Variants in FNDC9 observed in about 807,000 individuals in gnomAD.
The protein encoded by FNDC9 is fibronectin type III domain containing 9, also known as fibronectin type III domain-containing protein 9.
Under a neutral mutation model 9.0 loss-of-function variants are expected in FNDC9, and 3 were observed. The observed-to-expected ratio is 0.33, with a 90% CI of 0.15 to 0.86. The LOEUF (loss-of-function observed/expected upper bound fraction) is 0.86. Among genes scored for constraint, FNDC9 ranks in the 40% least tolerant of loss-of-function variants. FNDC9 has a pLI of 0.53. For synonymous variants in FNDC9, 114 were observed against 115.6 expected (o/e 0.99, Z 0.09); for missense variants, 279 against 287.2 (o/e 0.97, Z 0.21).
At position 157,342,649 on chromosome 5, in the gene FNDC9, C is replaced by A; in HGVS notation, c.*213G>T. 2 of 505,878 alleles carry A rather than the reference C, an allele frequency of 4.0e-6. No homozygotes were observed. Among genetic ancestry groups the A allele is most frequent in the South Asian group, 8.2e-5 (2 of 24,310 alleles). 31.3% of individuals were successfully genotyped at this position (505,878 alleles called of 1,614,324 possible). On this transcript the variant is annotated 3_prime_UTR_variant, in exon 2 of 2. Coordinates refer to ENST00000312349, the MANE Select transcript of FNDC9 (RefSeq NM_001001343.4). ...TGTGTCCTCCGAGTGGACGCTGCTG[C>A]TGAGATGCCTCGTTTGTGCCTTGGC...
rs1313640502 is a variant in FNDC9, at chr5:157,342,682, G to A, written c.*180C>T. The A allele has an allele frequency of 3.3e-6, 2 of 604,540 alleles. No individual in the cohort carries two copies. The highest frequency in any genetic ancestry group is 5.6e-6 in the Non-Finnish European group (2 of 357,638). 37.4% of individuals were successfully genotyped at this position (604,540 alleles called of 1,614,324 possible). A position where few individuals can be genotyped will look rare whatever the true frequency, so the allele number is the denominator to read the frequency against. On this transcript the variant is annotated 3_prime_UTR_variant, in exon 2 of 2. Coordinates refer to ENST00000312349, the MANE Select transcript of FNDC9 (RefSeq NM_001001343.4). ...CCTCGTTTGTGCCTTGGCATACCCT[G>A]GGGGATACATTTTCCAGCTTGAGAA...
In FNDC9 at chr5:157,342,440, TC is replaced by T. The variant is rs1214878987; in HGVS notation, c.*421del. ...ATAATCCCAAATTATTTCCAAATAA[TC>T]CCCTCAAGGGCAGAGGAAACTGGAC... On this transcript the variant is annotated 3_prime_UTR_variant, in exon 2 of 2. Transcript: ENST00000312349. 1 of 158,030 alleles carries T rather than the reference TC, an allele frequency of 6.3e-6. No individual in the cohort carries two copies. The highest frequency in any genetic ancestry group is 2.4e-5 in the African/African-American group (1 of 41,644). 9.8% of individuals were successfully genotyped at this position (158,030 alleles called of 1,614,324 possible).
rs376408771 is a variant in FNDC9, at chr5:157,342,846, G to T, written c.*16C>A. On this transcript the variant is annotated 3_prime_UTR_variant, in exon 2 of 2. Transcript: ENST00000312349. ...AAGCTTTAGGCTACATGATGCGGGC[G>T]CTCTCCTCCCCACTCTCATTCCCCA... 10 of 1,597,632 alleles carry T rather than the reference G, an allele frequency of 6.3e-6. No homozygotes were observed. In the East Asian group the frequency reaches 9.0e-5, roughly 14 times the overall value.
At position 157,342,923 on chromosome 5, in the gene FNDC9, G is replaced by A. The variant is rs746495560; in HGVS notation, c.614C>T (p.Ala205Val). Residue 205 changes from alanine (A) to valine (V), a missense_variant, in exon 2 of 2, where the codon GCG becomes GTG. Transcript: ENST00000312349. ...DPEANQDAPD[A>V]GALQRGGGDP... is the part of the protein sequence containing the mutation. ...ACCACCCCCCCTCTGTAAGGCACCC[G>A]CATCAGGGGCATCCTGGTTGGCTTC... 1.5e-5 allele frequency: 25 copies of A among 1,614,010 alleles called. No individual in the cohort carries two copies. The highest frequency in any genetic ancestry group is 1.7e-5 in the Admixed American group (1 of 60,002).
intron 1 of FNDC9, among the ~76,000 whole-genome samples, chr5:157,344,530 A>G (rs769783732): frequency 2.0e-5 from 3 of 152,196 alleles, no homozygotes. Flanking sequence ...CTGTTTTTCC[A>G]GACAAATCAA....
Position 157,342,932 on chromosome 5 carries a change from G to C in FNDC9, c.605C>G (p.Ala202Gly). 1 of 1,614,222 alleles carries C rather than the reference G, an allele frequency of 6.2e-7. No individual in the cohort carries two copies. Among genetic ancestry groups the C allele is most frequent in the Non-Finnish European group, 8.5e-7 (1 of 1,180,034 alleles). ...CCTCTGTAAGGCACCCGCATCAGGG[G>C]CATCCTGGTTGGCTTCGGGATCCAG... ...AELDPEANQD[A>G]PDAGALQRGG... Residue 202 changes from alanine to glycine, a missense_variant, in exon 2 of 2, where the codon GCC becomes GGC. Transcript: ENST00000312349.
At position 157,343,210 on chromosome 5, in the gene FNDC9, G is replaced by A. The variant is rs943603198; in HGVS notation, c.327C>T (p.Pro109=). 3.7e-6 allele frequency: 6 copies of A among 1,614,070 alleles called. No homozygotes were observed. The highest frequency in any genetic ancestry group is 2.7e-5 in the African/African-American group (2 of 74,932). Reference sequence around the variant, plus strand: ...CCATCAGCACCCAAAGGGAGATCTGGGGGTCTACCAGGGAGCTTCCAGGAG... The same window carrying A: ...CCATCAGCACCCAAAGGGAGATCTGAGGGTCTACCAGGGAGCTTCCAGGAG... ...PLAPGSSLVD[P]QISLWVLMAI... The change falls in exon 2 of 2, where the codon CCC becomes CCT. Residue 109 remains proline, a synonymous_variant. Coordinates refer to ENST00000312349, the MANE Select transcript of FNDC9 (RefSeq NM_001001343.4).
intron 1 of FNDC9, among the ~76,000 whole-genome samples, chr5:157,345,007 A>C (rs1217041566): frequency 6.6e-6 from 1 of 152,226 alleles, no homozygotes; most frequent in Non-Finnish European, 1.5e-5. Context: ...GTGTCTTTCT[A>C]TGTGGCTGAA....
At position 157,343,328 on chromosome 5, in the gene FNDC9, G is replaced by A. The variant is rs758140308; in HGVS notation, c.209C>T (p.Thr70Ile). 6.2e-7 allele frequency: 1 copy of A among 1,614,214 alleles called. No individual in the cohort carries two copies. The highest frequency in any genetic ancestry group is 1.7e-5 in the Admixed American group (1 of 60,034). ...ACAGCTGATGCACAGGAAGTAGAGA[G>A]TGGAAGGGGCAAGATGTTCCAGCAC... ...SVVLEHLAPS[T>I]LYFLCISCKK... Residue 70 changes from threonine to isoleucine, a missense_variant, in exon 2 of 2, where the codon ACT becomes ATT. Transcript: ENST00000312349.
Position 157,343,052 on chromosome 5 carries a change from G to A in FNDC9, c.485C>T (p.Pro162Leu). 1.2e-6 allele frequency: 2 copies of A among 1,614,216 alleles called. No homozygotes were observed. The highest frequency in any genetic ancestry group is 1.7e-6 in the Non-Finnish European group (2 of 1,180,026). ...MEEANGLVRW[P>L]EEAPDLGQRE... is the part of the protein sequence containing the mutation. ...CTGACCAAGATCCGGGGCCTCCTCT[G>A]GCCATCTCACCAACCCATTGGCCTC... The change falls in exon 2 of 2, where the codon CCA becomes CTA. Residue 162 changes from proline to leucine, a missense_variant. Coordinates refer to ENST00000312349, the MANE Select transcript of FNDC9 (RefSeq NM_001001343.4).
chr5:157,342,798 G>T lies in FNDC9; in HGVS notation c.*64C>A. On this transcript the variant is annotated 3_prime_UTR_variant, in exon 2 of 2. Coordinates refer to ENST00000312349, the MANE Select transcript of FNDC9 (RefSeq NM_001001343.4). The stretch of plus-strand genomic sequence containing the variant: ...AAATGGGTAGTCTATAGACACATTT[G>T]TACAAACGACCTACTGTGTGGAAAG... 1 of 1,483,968 alleles carries T rather than the reference G, an allele frequency of 6.7e-7. No individual in the cohort carries two copies. The highest frequency in any genetic ancestry group is 9.1e-7 in the Non-Finnish European group (1 of 1,102,726). The allele number at this position is 1,483,968 out of a possible 1,614,324, so 91.9% of individuals were successfully genotyped here. A position where few individuals can be genotyped will look rare whatever the true frequency, so the allele number is the denominator to read the frequency against.
Position 157,343,296 on chromosome 5 carries a change from C to A in FNDC9, c.241G>T (p.Ala81Ser), listed in dbSNP as rs369974736. The A allele has an allele frequency of 1.2e-5, 19 of 1,614,066 alleles. No individual in the cohort carries two copies. The highest frequency in any genetic ancestry group is 3.3e-4 in the Middle Eastern group (2 of 6,084). ...CAGTAGTGCCTGTAAGGGAAGGCAG[C>A]CTTCTTACAGCTGATGCACAGGAAG... ...LYFLCISCKKAAFPYRHYCTM... is the reference protein window; with the variant it reads ...LYFLCISCKKSAFPYRHYCTM... Residue 81 changes from alanine to serine, a missense_variant, in exon 2 of 2, where the codon GCT (alanine) becomes TCT (serine). Transcript: ENST00000312349.
chr5:157,345,185 C>A (rs528505393), intron 1 of FNDC9, among the ~76,000 whole-genome samples: 1 of 152,162 alleles, frequency 6.6e-6, no homozygotes, highest in Non-Finnish European at 1.5e-5. Flanking sequence ...CTTTCGACCA[C>A]GATGAAAAGA....
rs564708094 is a variant in FNDC9 at position 157,342,018 on chromosome 5, A to G, written c.*844T>C. On this transcript the variant is annotated 3_prime_UTR_variant, in exon 2 of 2. Coordinates refer to ENST00000312349, the MANE Select transcript of FNDC9 (RefSeq NM_001001343.4). ...TTTCAAACCTTATGCTATATCAAGG[A>G]GAAAGACAAATATTGGTGCTAATAT... 2.0e-5 allele frequency: 3 copies of G among 152,628 alleles called. No homozygotes were observed. The highest frequency in any genetic ancestry group is 4.4e-5 in the Non-Finnish European group (3 of 68,042). 9.5% of individuals were successfully genotyped at this position (152,628 alleles called of 1,614,324 possible).
Position 157,342,397 on chromosome 5 carries a change from CTCACAAATTATTTCCAAATAA to C in FNDC9, c.*444_*464del, listed in dbSNP as rs1762334874. On this transcript the variant is annotated 3_prime_UTR_variant, in exon 2 of 2. Transcript: ENST00000312349. The stretch of plus-strand genomic sequence containing the variant: ...TGGAAAACACTCCAGAGCAAGGGTT[CTCACAAATTATTTCCAAATAA>C]TCCCAAATTATTTCCAAATAATCCC... The C allele has an allele frequency of 6.5e-6, 1 of 154,148 alleles. No individual in the cohort carries two copies. The highest frequency in any genetic ancestry group is 2.0e-4 in the South Asian group (1 of 4,884). The allele number at this position is 154,148 out of a possible 1,614,324, so 9.5% of individuals were successfully genotyped here.
rs191449483 is a variant in FNDC9 at position 157,341,741 on chromosome 5, A to G, written c.*1121T>C. 1 of 157,758 alleles carries G rather than the reference A, an allele frequency of 6.3e-6. No individual in the cohort carries two copies. The highest frequency in any genetic ancestry group is 1.9e-4 in the East Asian group (1 of 5,262). 9.8% of individuals were successfully genotyped at this position (157,758 alleles called of 1,614,324 possible). On this transcript the variant is annotated 3_prime_UTR_variant, in exon 2 of 2. Coordinates refer to ENST00000312349, the MANE Select transcript of FNDC9 (RefSeq NM_001001343.4). ...GGCTTCTCAGCTCCTGCTGTTTCTT[A>G]GTTGATTCACTGCAGTGTCGTCCTG...
chr5:157,343,183 G>A lies in FNDC9; in HGVS notation c.354C>T (p.Ala118=). Residue 118 remains alanine (A), a synonymous_variant, in exon 2 of 2, where the codon GCC becomes GCT. Coordinates refer to ENST00000312349, the MANE Select transcript of FNDC9 (RefSeq NM_001001343.4). ...DPQISLWVLM[A]ILLACFTAVL... is the part of the protein sequence containing the mutation. The stretch of plus-strand genomic sequence containing the variant: ...CGGCTGTGAAGCAGGCCAGCAGAAT[G>A]GCCATCAGCACCCAAAGGGAGATCT... 6.2e-7 allele frequency: 1 copy of A among 1,614,234 alleles called. No individual in the cohort carries two copies. Among genetic ancestry groups the A allele is most frequent in the Non-Finnish European group, 8.5e-7 (1 of 1,180,044 alleles).
intron 1 of FNDC9, among the ~76,000 whole-genome samples, chr5:157,344,674 C>T (rs931946328): frequency 2.6e-5 from 4 of 152,190 alleles, no homozygotes; most frequent in Non-Finnish European, 5.9e-5. Context: ...AGTCAGCCTA[C>T]GCATATTCAC....
chr5:157,344,956 G>C (rs1762571423), intron 1 of FNDC9, among the ~76,000 whole-genome samples: 1 of 152,204 alleles, frequency 6.6e-6, no homozygotes, highest in Non-Finnish European at 1.5e-5. Flanking sequence ...TTTTTCTTCT[G>C]TAAGGGTAAC....
Sources: allele counts gnomAD v4.1 joint callset (sites outside exome capture counted in the v4.1 genomes callset), GRCh38; gene constraint gnomAD v4.1.1; transcripts MANE v1.5; gene names NCBI Gene and HGNC (gene_info 2026-07-23, HGNC 2026-07-21).